CDON: variants seen among roughly 807,000 people sequenced by gnomAD.
CDON encodes the protein cell adhesion molecule-related/down-regulated by oncogenes.
CDON carries 73 observed loss-of-function variants against 120.9 expected under a neutral mutation model. The observed-to-expected ratio is 0.60, with a 90% CI of 0.50 to 0.73. The LOEUF (loss-of-function observed/expected upper bound fraction) is 0.73. Among genes scored for constraint, CDON ranks in the 30% least tolerant of loss-of-function variants. The probability of loss-of-function intolerance (pLI) is 0.00; values close to 1 mark genes in which losing one functional copy is unlikely to be tolerated. For synonymous variants in CDON, 566 were observed against 573.5 expected, an observed-to-expected ratio of 0.99 and a Z score of 0.19; for missense variants, 1,470 against 1,587.3, an observed-to-expected ratio of 0.93 and a Z score of 1.26.
At chr11:125,982,421 T>C (rs997184970) in intron 16 of CDON, among the ~76,000 whole-genome samples, 9 of 152,196 alleles carry the variant, frequency 5.9e-5, no homozygotes, top group Non-Finnish European at 1.2e-4. Context: ...GGAGTCTGGA[T>C]AAATTCTTCG....
chr11:125,997,298 T>C lies in CDON; in HGVS notation c.2271A>G (p.Glu757=). ...GGSPITAFKV[E]YKRMRTSNWL... is the part of the protein sequence containing the mutation. ...AATTGCTGGTCCTCATCCGTTTATATTCGACTTTGAAGGCAGTGATTGGAG... is the reference window on the plus strand; with the variant it reads ...AATTGCTGGTCCTCATCCGTTTATACTCGACTTTGAAGGCAGTGATTGGAG... The change falls in exon 12 of 20, where the codon GAA becomes GAG. Residue 757 remains glutamate (E), a synonymous_variant. Coordinates refer to ENST00000531738, the MANE Select transcript of CDON (RefSeq NM_001378964.1). 1.2e-6 allele frequency: 2 copies of C among 1,614,098 alleles called. No homozygotes were observed. The highest frequency in any genetic ancestry group is 1.7e-6 in the Non-Finnish European group (2 of 1,179,984).
At chr11:125,986,600 C>T (rs1377312191) in intron 15 of CDON, among the ~76,000 whole-genome samples, 1 of 151,946 alleles carries the variant, frequency 6.6e-6, no homozygotes, top group African/African-American at 2.4e-5. Context: ...CCCATCTCTA[C>T]TAAAAATACA....
rs765529282 is a variant in CDON, at chr11:126,015,283, T to C, written c.1156A>G (p.Ile386Val). 1 of 1,614,082 alleles carries C rather than the reference T, an allele frequency of 6.2e-7. No homozygotes were observed. The highest frequency in any genetic ancestry group is 8.5e-7 in the Non-Finnish European group (1 of 1,179,988). ...CTTCCAGTAGAGTGCATAAATCCAA[T>C]CCCATTATCTGCTACACACTGATAC... ...GMYQCVADNG[I>V]GFMHSTGRLE... Residue 386 changes from isoleucine (I) to valine (V), a missense_variant, in exon 7 of 20, where the codon ATT (isoleucine) becomes GTT (valine). By Grantham distance (29) the Ile-to-Val change is conservative (BLOSUM62 3). Transcript: ENST00000531738.
chr11:126,033,809 G>A (rs906571637), intron 1 of CDON, among the ~76,000 whole-genome samples: 12 of 152,134 alleles, frequency 7.9e-5, no homozygotes, highest in African/African-American at 2.9e-4. Context: ...AAGTCTAGTC[G>A]CAACAAACAT....
At chr11:126,023,333 C>T (rs1292309181) in intron 2 of CDON, 68 bp downstream of exon 2, 1 of 999,662 alleles carries the variant, frequency 1.0e-6, no homozygotes, top group Admixed American at 1.7e-5. Flanking sequence ...CATTGAAGTA[C>T]AAATTTATGT....
intron 18 of CDON, among the ~76,000 whole-genome samples, chr11:125,970,982 G>T (rs1275672221): frequency 6.6e-6 from 1 of 152,160 alleles, no homozygotes; most frequent in Non-Finnish European, 1.5e-5. Flanking sequence ...AAGAGAAGCT[G>T]AATGCCTGTT....
intron 4 of CDON, among the ~76,000 whole-genome samples, chr11:126,019,064 A>AGCT (rs1337608307): frequency 6.6e-6 from 1 of 152,212 alleles, no homozygotes; most frequent in Non-Finnish European, 1.5e-5. Context: ...GCAAACCTCT[A>AGCT]GCTACAGCAC....
chr11:125,998,113 C>T (rs1157241495), intron 11 of CDON, among the ~76,000 whole-genome samples: 3 of 152,102 alleles, frequency 2.0e-5, no homozygotes, highest in Non-Finnish European at 4.4e-5. Context: ...CTTAGCACTG[C>T]CAAGGAAAGG....
intron 18 of CDON, among the ~76,000 whole-genome samples, chr11:125,971,414 T>TAAATAAATAAATAAATAAATAAA (rs377328170): frequency 8.1e-6 from 1 of 123,680 alleles, no homozygotes; most frequent in Non-Finnish European, 1.8e-5. Context: ...AAATAAATAA[T>TAAATAAATAAATAAATAAATAAA]AATAATTAAT....
intron 8 of CDON, among the ~76,000 whole-genome samples, chr11:126,006,566 G>C (rs552227481): frequency 6.6e-6 from 1 of 152,274 alleles, no homozygotes; most frequent in Non-Finnish European, 1.5e-5. Context: ...TACTTGGGAG[G>C]CTGAGGTGGG....
chr11:126,006,256 A>G (rs576367363), intron 8 of CDON, among the ~76,000 whole-genome samples, 199 bp from the exon 9 acceptor site: 1 of 152,346 alleles, frequency 6.6e-6, no homozygotes, highest in South Asian at 2.1e-4. Context: ...GGAGCAAATG[A>G]ATTACTTGAA....
intron 1 of CDON, among the ~76,000 whole-genome samples, chr11:126,037,736 G>C (rs560896361): frequency 1.3e-5 from 2 of 152,200 alleles, no homozygotes; most frequent in South Asian, 4.1e-4. Context: ...ATTATCAGTT[G>C]GTAGTCTAAA....
chr11:125,987,643 C>CTATACTAT (rs1228596036), intron 15 of CDON, among the ~76,000 whole-genome samples: 2 of 152,166 alleles, frequency 1.3e-5, no homozygotes, highest in African/African-American at 4.8e-5. Flanking sequence ...GTAATCACAG[C>CTATACTAT]TATACTATTA....
chr11:126,040,531 A>G (rs1157109437), intron 1 of CDON, among the ~76,000 whole-genome samples: 1 of 152,190 alleles, frequency 6.6e-6, no homozygotes, highest in African/African-American at 2.4e-5. Flanking sequence ...AATAGGTACT[A>G]AAGGCCGGGC....
rs747696131 is a variant in CDON, at chr11:125,961,254, C to T, written c.3632-149G>A. ...TTTGTGTGTGGTTTGAATTTGAGGG[C>T]GACAGAAGGTTTAAAAGGTTTAAAA... On this transcript the variant is annotated intron_variant, in intron 19 of 19. Transcript: ENST00000531738. 2.2e-5 allele frequency: 17 copies of T among 756,554 alleles called. No individual in the cohort carries two copies. The Admixed American group carries it at 3.0e-4, about 13-fold the overall frequency. 46.9% of individuals were successfully genotyped at this position (756,554 alleles called of 1,614,324 possible).
chr11:125,985,208 C>T (rs1026724187), intron 15 of CDON, among the ~76,000 whole-genome samples: 2 of 152,054 alleles, frequency 1.3e-5, no homozygotes, highest in East Asian at 3.9e-4. Flanking sequence ...AAAGTCTCAC[C>T]CTGTCGCCCA....
At chr11:125,998,233 A>C (rs1194767154) in intron 11 of CDON, among the ~76,000 whole-genome samples, 1 of 152,168 alleles carries the variant, frequency 6.6e-6, no homozygotes, top group Non-Finnish European at 1.5e-5. Flanking sequence ...TTGATGACCA[A>C]GTGATATGGC....
intron 18 of CDON, among the ~76,000 whole-genome samples, chr11:125,969,865 G>A (rs1157252098): frequency 6.6e-6 from 1 of 152,178 alleles, no homozygotes; most frequent in Non-Finnish European, 1.5e-5. Context: ...GGAAATAGAA[G>A]ATTGGAAGAG....
chr11:126,057,800 T>C (rs1272878161), intron 1 of CDON, among the ~76,000 whole-genome samples: 1 of 152,266 alleles, frequency 6.6e-6, no homozygotes, highest in East Asian at 1.9e-4. Context: ...GTGCCCGCAC[T>C]ATTACTAGCT....
Sources: gnomAD v4.1 joint callset for allele counts (sites outside exome capture counted in the v4.1 genomes callset) on GRCh38, gnomAD v4.1.1 for gene constraint, MANE v1.5 for transcripts, NCBI Gene and HGNC (gene_info 2026-07-23, HGNC 2026-07-21) for gene names.